Variants in MYO18A observed in about 807,000 individuals in gnomAD.
MYO18A encodes the protein unconventional myosin-XVIIIa.
In MYO18A, 78 loss-of-function variants were observed where a neutral mutation model predicts 235.8. The ratio of observed to expected loss-of-function variants is 0.33; its 90% CI spans 0.28 to 0.40. The LOEUF (loss-of-function observed/expected upper bound fraction) is 0.40, where lower values mean the gene tolerates loss of function less well. Among genes scored for constraint, MYO18A ranks in the 10% least tolerant of loss-of-function variants. MYO18A has a pLI of 1.00. For missense variants in MYO18A, 2,215 were observed against 2,699.3 expected, an observed-to-expected ratio of 0.82 and a Z score of 3.98; for synonymous variants, 977 against 1,077.8, an observed-to-expected ratio of 0.91 and a Z score of 1.83.
At position 29,140,798 on chromosome 17, in the gene MYO18A, G is replaced by A. The variant is rs996458487; in HGVS notation, c.1000-18545C>T. ...CATGCGCACTCATGTGCATGTACAC[G>A]TATACACACACACACACACACACCA... On this transcript the variant is annotated intron_variant, in intron 2 of 41. Transcript: ENST00000527372. This position sits in a 1 kb window ranked among gnomAD's most constrained non-coding sequence, Gnocchi z 4.2. 6.6e-6 allele frequency among the ~76,000 whole-genome samples: 1 copy of A among 150,590 alleles called. No individual in the cohort carries two copies. Among genetic ancestry groups the A allele is most frequent in the Non-Finnish European group, 1.5e-5 (1 of 67,984 alleles).
chr17:29,087,041 C>T lies in MYO18A; in HGVS notation c.5607G>A (p.Glu1869=), dbSNP rs1405955252. 2 of 1,613,902 alleles carry T rather than the reference C, an allele frequency of 1.2e-6. No individual in the cohort carries two copies. The highest frequency in any genetic ancestry group is 2.7e-5 in the African/African-American group (2 of 74,928). The change falls in exon 38 of 42, where the codon GAG becomes GAA. Residue 1869 remains glutamate, a synonymous_variant. Coordinates refer to ENST00000527372, the MANE Select transcript of MYO18A (RefSeq NM_078471.4). ...TCTGTAGCCGCTTGTTCTGTTCCTT[C>T]TCCCGGTTCTCGGCTGCAATGCGCT... is the stretch of plus-strand genomic sequence containing the variant. ...RDQRIAAENR[E]KEQNKRLQRQ... is the part of the protein sequence containing the mutation.
chr17:29,100,624 T>C (rs1463042460), intron 21 of MYO18A, among the ~76,000 whole-genome samples: 1 of 151,802 alleles, frequency 6.6e-6, no homozygotes, highest in Non-Finnish European at 1.5e-5. Flanking sequence ...ACGGGAAGGG[T>C]CGGGTGAAAA....
chr17:29,098,298 CAGGGGCTGG>C, intron 24 of MYO18A, 49 bp downstream of exon 24: 1 of 1,611,732 alleles, frequency 6.2e-7, no homozygotes, highest in South Asian at 1.1e-5. Context: ...GGGGGACCTG[CAGGGGCTGG>C]GTCTCCCTGC....
rs1386390563 is a variant in MYO18A at position 29,180,057 on chromosome 17, G to C, written c.-82+256C>G. Among the ~76,000 whole-genome samples the C allele has an allele frequency of 6.6e-6, 1 of 151,716 alleles. No individual in the cohort carries two copies. Among genetic ancestry groups the C allele is most frequent in the African/African-American group, 2.4e-5 (1 of 41,348 alleles). On this transcript the variant is annotated intron_variant, in intron 1 of 41. Transcript: ENST00000527372. This position sits in a 1 kb window ranked among gnomAD's most constrained non-coding sequence, Gnocchi z 6.1. ...CTGTCCTGCCTCCCTGCGCCCCCCA[G>C]GTTGGCTGGAAGGGCCGGTGGTTCC...
chr17:29,107,491 T>G, intron 19 of MYO18A: 1 of 319,958 alleles, frequency 3.1e-6, no homozygotes, highest in South Asian at 3.7e-5. Flanking sequence ...TGGGGGGTTG[T>G]GGGGTAGCTG....
chr17:29,088,124 G>A (rs1343566057), intron 37 of MYO18A, among the ~76,000 whole-genome samples: 1 of 139,436 alleles, frequency 7.2e-6, no homozygotes, highest in Non-Finnish European at 1.5e-5. Flanking sequence ...CGCGATCTCC[G>A]CTCACTGCAG....
At chr17:29,116,151 G>A (rs565693062) in intron 11 of MYO18A, among the ~76,000 whole-genome samples, 7 of 152,366 alleles carry the variant, frequency 4.6e-5, no homozygotes, top group African/African-American at 7.2e-5. Context: ...GGGGAAGGGC[G>A]GAGTCAGAGG....
chr17:29,163,367 C>A (rs1032852737), intron 2 of MYO18A, among the ~76,000 whole-genome samples: 1 of 152,200 alleles, frequency 6.6e-6, no homozygotes, highest in Non-Finnish European at 1.5e-5. Flanking sequence ...TGAGTCCCCA[C>A]CACCTACCTG....
At chr17:29,159,788 G>C (rs2068134372) in intron 2 of MYO18A, among the ~76,000 whole-genome samples, 1 of 152,186 alleles carries the variant, frequency 6.6e-6, no homozygotes, top group African/African-American at 2.4e-5. Context: ...GGGGTCTAGG[G>C]CTTCCCCTAC....
chr17:29,128,202 G>A, intron 2 of MYO18A: 4 of 1,153,824 alleles, frequency 3.5e-6, no homozygotes, highest in Non-Finnish European at 4.3e-6. Context: ...GGAGGTGGGG[G>A]AGGGGGTGGC....
intron 26 of MYO18A, 38 bp downstream of exon 26, chr17:29,097,750 T>C (rs2066555104): frequency 6.4e-7 from 1 of 1,568,626 alleles, no homozygotes; most frequent in African/African-American, 1.4e-5. Flanking sequence ...GGGCTCGCAT[T>C]GCGGGCCACT....
intron 2 of MYO18A, among the ~76,000 whole-genome samples, chr17:29,162,685 G>A (rs776973798): frequency 2.0e-5 from 3 of 152,196 alleles, no homozygotes; most frequent in East Asian, 1.9e-4. Context: ...GCTGCTCACC[G>A]CTGGAGCCCA....
At chr17:29,116,798 C>T (rs568766595) in intron 10 of MYO18A, among the ~76,000 whole-genome samples, 32 of 140,844 alleles carry the variant, frequency 2.3e-4, no homozygotes, top group African/African-American at 8.1e-4. Flanking sequence ...TTGAGAAGAT[C>T]GCTGTGCTGA....
intron 24 of MYO18A, 59 bp from the exon 25 acceptor site, chr17:29,098,283 C>A: frequency 6.2e-7 from 1 of 1,612,384 alleles, no homozygotes; most frequent in Non-Finnish European, 8.5e-7. Flanking sequence ...TCAGCCAGAA[C>A]ACCTGGGGGA....
At chr17:29,110,906 A>C (rs1026314491) in intron 17 of MYO18A, among the ~76,000 whole-genome samples, 4 of 152,200 alleles carry the variant, frequency 2.6e-5, no homozygotes, top group Non-Finnish European at 4.4e-5. Context: ...AGGGAGGGCA[A>C]AGGTGTGGAA....
At chr17:29,135,566 C>T (rs924871484) in intron 2 of MYO18A, among the ~76,000 whole-genome samples, 8 of 152,194 alleles carry the variant, frequency 5.3e-5, no homozygotes, top group African/African-American at 1.7e-4. Flanking sequence ...AATTTTAACT[C>T]GTTTGATCTT....
chr17:29,119,921 G>C (rs2067157972), intron 7 of MYO18A, among the ~76,000 whole-genome samples: 2 of 151,956 alleles, frequency 1.3e-5, no homozygotes. Flanking sequence ...TGTTGCCCAG[G>C]CTGGAGTGCA....
In MYO18A at chr17:29,103,684, T is replaced by G; in HGVS notation, c.3442-20A>C. On this transcript the variant is annotated intron_variant, in intron 20 of 41. Coordinates refer to ENST00000527372, the MANE Select transcript of MYO18A (RefSeq NM_078471.4). ...CACTGCCTGTGGAGAGAGGCCTCTG[T>G]CAGGCAGCCCGCCTGGGCCTCCCCT... is the stretch of plus-strand genomic sequence containing the variant. 6.2e-7 allele frequency: 1 copy of G among 1,613,276 alleles called. No individual in the cohort carries two copies. The highest frequency in any genetic ancestry group is 8.5e-7 in the Non-Finnish European group (1 of 1,179,608).
chr17:29,168,708 CA>C (rs2068334645), intron 1 of MYO18A, among the ~76,000 whole-genome samples: 1 of 152,214 alleles, frequency 6.6e-6, no homozygotes, highest in Non-Finnish European at 1.5e-5. Flanking sequence ...GGCCGTAGTG[CA>C]ATGGCTAATT....
Sources: gnomAD v4.1 joint callset for allele counts (sites outside exome capture counted in the v4.1 genomes callset) on GRCh38, gnomAD v4.1.1 for gene constraint, Gnocchi (gnomAD v3.1) non-coding constraint, MANE v1.5 for transcripts, NCBI Gene and HGNC (gene_info 2026-07-23, HGNC 2026-07-21) for gene names.